Variants in ZNF423 observed in about 807,000 individuals in gnomAD.
ZNF423 encodes Ebf-associated zinc finger protein.
ZNF423 carries 12 observed loss-of-function variants against 95.8 expected under a neutral mutation model. The ratio of observed to expected loss-of-function variants is 0.13; its 90% CI spans 0.08 to 0.20. The LOEUF (loss-of-function observed/expected upper bound fraction) is 0.20, where lower values mean the gene tolerates loss of function less well. Ranked by LOEUF, ZNF423 falls within the 10% of genes least tolerant of loss-of-function variation. ZNF423 has a pLI of 1.00. For missense variants in ZNF423, 1,316 were observed against 1,737.1 expected (o/e 0.76, Z 4.31); for synonymous variants, 749 against 711.9 (o/e 1.05, Z -0.83).
intron 2 of ZNF423, among the ~76,000 whole-genome samples, chr16:49,762,662 C>G (rs558359017): frequency 1.1e-4 from 16 of 152,312 alleles, no homozygotes; most frequent in Non-Finnish European, 2.1e-4. Context: ...GACTGGAGGG[C>G]TGGCAGCTGT....
At chr16:49,671,101 G>C (rs537241018) in intron 3 of ZNF423, among the ~76,000 whole-genome samples, 1 of 152,356 alleles carries the variant, frequency 6.6e-6, no homozygotes, top group South Asian at 2.1e-4. Flanking sequence ...AGCCCCTTCA[G>C]GTGTTTCAGC....
At chr16:49,750,147 G>A (rs571710265) in intron 2 of ZNF423, among the ~76,000 whole-genome samples, 2 of 152,326 alleles carry the variant, frequency 1.3e-5, no homozygotes, top group South Asian at 2.1e-4. Context: ...GAGTCACATC[G>A]GGGCTGCTTC....
At position 49,491,143 on chromosome 16, in the gene ZNF423, C is replaced by T; in HGVS notation, c.*132G>A. 1 of 1,063,396 alleles carries T rather than the reference C, an allele frequency of 9.4e-7. No individual in the cohort carries two copies. Among genetic ancestry groups the T allele is most frequent in the Non-Finnish European group, 1.5e-6 (1 of 685,682 alleles). 65.9% of individuals were successfully genotyped at this position (1,063,396 alleles called of 1,614,324 possible). ...TTCCAGCTGCTTATAATAGCAGCGC[C>T]TCATGGCCAAATCATTAGAGTTTTA... is the stretch of plus-strand genomic sequence containing the variant. On this transcript the variant is annotated 3_prime_UTR_variant, in exon 8 of 8. Transcript: ENST00000563137.
In ZNF423 at chr16:49,637,538, C is replaced by G; in HGVS notation, c.1638G>C (p.Gln546His). 1 of 1,613,978 alleles carries G rather than the reference C, an allele frequency of 6.2e-7. No homozygotes were observed. The highest frequency in any genetic ancestry group is 8.5e-7 in the Non-Finnish European group (1 of 1,179,986). ...TGGCACTGCCCACACTGCAGTGGGCCTGCTGGATGTGCTCGGTGAGGGAGG... is the reference window on the plus strand; with the variant it reads ...TGGCACTGCCCACACTGCAGTGGGCGTGCTGGATGTGCTCGGTGAGGGAGG... ...TESSLTEHIQQAHCSVGSAKL... is the reference protein window; with the variant it reads ...TESSLTEHIQHAHCSVGSAKL... Residue 546 changes from glutamine (Q) to histidine (H), a missense_variant, in exon 4 of 8, where the codon CAG becomes CAC. This residue lies in a region of ZNF423 where 399 missense variants were observed against 478.5 expected (regional missense o/e 0.83). Coordinates refer to ENST00000563137, the MANE Select transcript of ZNF423 (RefSeq NM_001379286.1). This position sits in a 1 kb window ranked among gnomAD's most constrained non-coding sequence, Gnocchi z 5.6.
chr16:49,496,971 G>T (rs969554123), intron 7 of ZNF423, among the ~76,000 whole-genome samples: 2 of 152,158 alleles, frequency 1.3e-5, no homozygotes, highest in African/African-American at 4.8e-5. Flanking sequence ...GGCTGGCAAG[G>T]TCTTAAGAAC....
Position 49,815,046 on chromosome 16 carries a change from A to G in ZNF423, c.41-25500T>C, listed in dbSNP as rs2034815496. Among the ~76,000 whole-genome samples the G allele has an allele frequency of 2.6e-5, 4 of 152,166 alleles. No individual in the cohort carries two copies. The South Asian group carries it at 8.3e-4, about 32-fold the overall frequency. ...AGGGCAGCCTGCTGGTTAGGGCCTCAGGGTCTGGGATGAAACCAACCAGGC... is the reference window on the plus strand; with the variant it reads ...AGGGCAGCCTGCTGGTTAGGGCCTCGGGGTCTGGGATGAAACCAACCAGGC... On this transcript the variant is annotated intron_variant, in intron 1 of 7. Transcript: ENST00000563137.
Position 49,636,575 on chromosome 16 carries a change from C to G in ZNF423, c.2601G>C (p.Gln867His). 1.2e-6 allele frequency: 2 copies of G among 1,614,014 alleles called. No homozygotes were observed. The highest frequency in any genetic ancestry group is 1.7e-6 in the Non-Finnish European group (2 of 1,180,004). ...CCTCAGGGTTCTTAAGCAGCATGCCCTGCAGGTCAGCAGGCTCAGCTTTCT... is the reference window on the plus strand; with the variant it reads ...CCTCAGGGTTCTTAAGCAGCATGCCGTGCAGGTCAGCAGGCTCAGCTTTCT... ...ATKKAEPADL[Q>H]GMLLKNPEAP... The change falls in exon 4 of 8, where the codon CAG (glutamine) becomes CAC (histidine). Residue 867 changes from glutamine to histidine, a missense_variant. Physicochemically the swap from Gln to His is conservative, Grantham distance 24 (BLOSUM62 0). Transcript: ENST00000563137. The surrounding 1 kb of genome is among the most constrained non-coding windows in gnomAD (Gnocchi z 8.6).
chr16:49,850,325 T>A (rs578226742), intron 1 of ZNF423, among the ~76,000 whole-genome samples: 1 of 152,292 alleles, frequency 6.6e-6, no homozygotes, highest in South Asian at 2.1e-4. Flanking sequence ...GGGAAACTTC[T>A]CTGATTACCC....
At chr16:49,719,768 G>A (rs1259951578) in intron 3 of ZNF423, among the ~76,000 whole-genome samples, 2 of 152,230 alleles carry the variant, frequency 1.3e-5, no homozygotes, top group Non-Finnish European at 2.9e-5. Context: ...TGTACAGCCT[G>A]AGGAAATGCA....
intron 5 of ZNF423, among the ~76,000 whole-genome samples, chr16:49,543,762 C>T (rs1969342286): frequency 6.6e-6 from 1 of 152,222 alleles, no homozygotes; most frequent in South Asian, 2.1e-4. Context: ...GGCTGTAAAC[C>T]AGTGGGAACT....
At chr16:49,744,223 G>A (rs999492037) in intron 2 of ZNF423, among the ~76,000 whole-genome samples, 2 of 152,242 alleles carry the variant, frequency 1.3e-5, no homozygotes, top group African/African-American at 4.8e-5. Flanking sequence ...CAGAAACCTG[G>A]ATTCTGGAAG....
chr16:49,626,571 C>T (rs1338252145), intron 4 of ZNF423, among the ~76,000 whole-genome samples: 1 of 151,994 alleles, frequency 6.6e-6, no homozygotes, highest in African/African-American at 2.4e-5. Flanking sequence ...TGCCCCCATC[C>T]ATCCAAACAT....
At chr16:49,677,306 G>GGGAAGGGAAGGGAAGGGA (rs2031130754) in intron 3 of ZNF423, among the ~76,000 whole-genome samples, 1 of 98,304 alleles carries the variant, frequency 1.0e-5, no homozygotes, top group Non-Finnish European at 2.0e-5. Flanking sequence ...GAGAAGAGAA[G>GGGAAGGGAAGGGAAGGGA]AGAAAGGAGG....
chr16:49,756,459 A>G (rs2033728309), intron 2 of ZNF423, among the ~76,000 whole-genome samples: 1 of 152,224 alleles, frequency 6.6e-6, no homozygotes, highest in African/African-American at 2.4e-5. Context: ...TTGGAAGGCC[A>G]GTCCCCGCCA....
chr16:49,576,347 G>T (rs79898773), intron 5 of ZNF423, among the ~76,000 whole-genome samples: 10 of 152,078 alleles, frequency 6.6e-5, no homozygotes, highest in Admixed American at 1.3e-4. Context: ...CTCGTGGTGG[G>T]GGCAGGGGCA....
intron 2 of ZNF423, among the ~76,000 whole-genome samples, chr16:49,764,012 C>A (rs549448373): frequency 6.6e-6 from 1 of 152,174 alleles, no homozygotes; most frequent in African/African-American, 2.4e-5. Context: ...GCTGGCCCCA[C>A]GGGCAGGAGG....
intron 2 of ZNF423, among the ~76,000 whole-genome samples, chr16:49,761,355 C>G (rs2143642588): frequency 6.6e-6 from 1 of 152,364 alleles, no homozygotes; most frequent in African/African-American, 2.4e-5. Flanking sequence ...CTGTGCCAGC[C>G]TGCTCCCATG....
intron 1 of ZNF423, among the ~76,000 whole-genome samples, chr16:49,799,844 C>T (rs1329417664): frequency 6.6e-6 from 1 of 152,166 alleles, no homozygotes; most frequent in Non-Finnish European, 1.5e-5. Flanking sequence ...GGCTGGAGTG[C>T]AATGGTAACA....
intron 7 of ZNF423, among the ~76,000 whole-genome samples, chr16:49,510,899 C>T (rs779096577): frequency 1.3e-5 from 2 of 152,234 alleles, no homozygotes; most frequent in Non-Finnish European, 2.9e-5. Flanking sequence ...CTCCCCCGTG[C>T]CCATCTGTCG....
Sources: gnomAD v4.1 joint callset for allele counts (sites outside exome capture counted in the v4.1 genomes callset) on GRCh38, gnomAD v4.1.1 for gene constraint, gnomAD v4.1.1 regional missense constraint, Gnocchi (gnomAD v3.1) non-coding constraint, MANE v1.5 for transcripts, NCBI Gene and HGNC (gene_info 2026-07-23, HGNC 2026-07-21) for gene names.